The following GRM7 variants were observed in gnomAD, a reference collection of about 807,000 sequenced individuals.
GRM7 encodes the protein metabotropic glutamate receptor 7.
Under a neutral mutation model 84.5 loss-of-function variants are expected in GRM7, and 35 were observed. The observed-to-expected ratio is 0.41, with a 90% CI of 0.32 to 0.55. The LOEUF is 0.55. GRM7 is among the 20% of genes least tolerant of loss of function. GRM7 has a pLI of 0.19. For synonymous variants in GRM7, 487 were observed against 455.1 expected, an observed-to-expected ratio of 1.07 and a Z score of -0.89; for missense variants, 1,003 against 1,194.6, an observed-to-expected ratio of 0.84 and a Z score of 2.36.
intron 2 of GRM7, among the ~76,000 whole-genome samples, chr3:7,259,780 G>T (rs772673612): frequency 4.6e-5 from 7 of 152,050 alleles, no homozygotes; most frequent in South Asian, 2.1e-4. Flanking sequence ...ATGATAGAAT[G>T]ATTTATATTT....
chr3:7,062,329 G>A (rs541312837), intron 1 of GRM7, among the ~76,000 whole-genome samples: 170 of 151,670 alleles, frequency 1.1e-3, no homozygotes, highest in African/African-American at 3.9e-3. Flanking sequence ...GTGTACAATC[G>A]TAGTGTGTGG....
intron 1 of GRM7, among the ~76,000 whole-genome samples, chr3:7,026,607 A>G (rs1378511713): frequency 6.6e-6 from 1 of 152,204 alleles, no homozygotes; most frequent in African/African-American, 2.4e-5. Flanking sequence ...CCTGGCACAC[A>G]AGAGAGGGGA....
chr3:7,325,160 C>T (rs1700936628), intron 4 of GRM7, among the ~76,000 whole-genome samples: 1 of 152,074 alleles, frequency 6.6e-6, no homozygotes, highest in African/African-American at 2.4e-5. Flanking sequence ...GAAGAGTGGG[C>T]CAGAGGTTTC....
intron 9 of GRM7, chr3:7,693,513 G>A (rs185861722): frequency 1.6e-5 from 11 of 696,506 alleles, no homozygotes; most frequent in East Asian, 1.1e-4. Context: ...CTACATTTTT[G>A]TTCTTGGACC....
At chr3:7,560,985 C>G (rs1203250028) in intron 7 of GRM7, among the ~76,000 whole-genome samples, 1 of 152,090 alleles carries the variant, frequency 6.6e-6, no homozygotes, top group African/African-American at 2.4e-5. Flanking sequence ...TGGCAGATAG[C>G]CCTTGAATGA....
intron 9 of GRM7, among the ~76,000 whole-genome samples, chr3:7,726,188 G>A (rs1702119115): frequency 6.6e-6 from 1 of 152,004 alleles, no homozygotes; most frequent in African/African-American, 2.4e-5. Context: ...GATTGCGTAG[G>A]AGAGTCACCC....
At chr3:7,320,271 A>G (rs1355675247) in intron 4 of GRM7, among the ~76,000 whole-genome samples, 2 of 152,032 alleles carry the variant, frequency 1.3e-5, no homozygotes, top group Non-Finnish European at 2.9e-5. Context: ...ACAAGAGAAA[A>G]GCATACAAAT....
intron 9 of GRM7, among the ~76,000 whole-genome samples, chr3:7,702,262 T>C (rs549551331): frequency 6.6e-6 from 1 of 152,190 alleles, no homozygotes; most frequent in Admixed American, 6.5e-5. Context: ...CCCAAGAATC[T>C]TGTTAGACTG....
chr3:7,525,853 C>T (rs1169331610), intron 7 of GRM7, among the ~76,000 whole-genome samples: 1 of 152,132 alleles, frequency 6.6e-6, no homozygotes, highest in African/African-American at 2.4e-5. Flanking sequence ...TAATAGCCTT[C>T]AGCTCCATCC....
intron 6 of GRM7, among the ~76,000 whole-genome samples, chr3:7,456,142 C>A (rs73117418): frequency 0.017 from 2,620 of 151,844 alleles, 77 homozygotes; most frequent in African/African-American, 0.06. Flanking sequence ...ATTTCATTTG[C>A]TGAGGTCAGT....
At chr3:6,991,293 C>A (rs1272182824) in intron 1 of GRM7, among the ~76,000 whole-genome samples, 1 of 152,150 alleles carries the variant, frequency 6.6e-6, no homozygotes, top group East Asian at 1.9e-4. Flanking sequence ...CCTCTTTACT[C>A]CCAGATGAGT....
chr3:7,714,305 T>C (rs1007684665), intron 9 of GRM7, among the ~76,000 whole-genome samples: 1 of 152,112 alleles, frequency 6.6e-6, no homozygotes, highest in Non-Finnish European at 1.5e-5. Context: ...AAGAATAAAA[T>C]CCAACTGGGT....
intron 1 of GRM7, among the ~76,000 whole-genome samples, chr3:7,111,776 C>A (rs1218460812): frequency 7.2e-5 from 11 of 152,122 alleles, no homozygotes; most frequent in Non-Finnish European, 5.9e-5. Flanking sequence ...TGGTTGTCTT[C>A]ATTTTGGGAA....
chr3:7,136,783 A>C (rs1300996396), intron 1 of GRM7, among the ~76,000 whole-genome samples: 1 of 152,108 alleles, frequency 6.6e-6, no homozygotes, highest in African/African-American at 2.4e-5. Flanking sequence ...TTCCCAATAG[A>C]GTGGTATCCA....
At chr3:7,306,452 T>C (rs769230253) in intron 3 of GRM7, 46 bp from the exon 4 acceptor site, 22 of 1,545,638 alleles carry the variant, frequency 1.4e-5, no homozygotes, top group Non-Finnish European at 1.2e-5. Context: ...CGGATTCAGC[T>C]GACGTTCTTT....
chr3:7,579,977 T>C (rs1575519209), intron 8 of GRM7, among the ~76,000 whole-genome samples: 1 of 152,314 alleles, frequency 6.6e-6, no homozygotes, highest in South Asian at 2.1e-4. Context: ...CAATTCACAG[T>C]GAGATCAGAG....
At chr3:7,578,273 T>C in intron 7 of GRM7, 149 bp from the exon 8 acceptor site, 1 of 613,644 alleles carries the variant, frequency 1.6e-6, no homozygotes, top group Non-Finnish European at 2.9e-6. Context: ...TGGGCTCAAA[T>C]CATACTTGTA....
intron 8 of GRM7, among the ~76,000 whole-genome samples, chr3:7,651,760 G>A (rs758860636): frequency 2.0e-5 from 3 of 152,160 alleles, no homozygotes; most frequent in Non-Finnish European, 4.4e-5. Context: ...TCATTTTGCA[G>A]AAGAAATAGC....
At chr3:7,546,525 G>T (rs1207858166) in intron 7 of GRM7, among the ~76,000 whole-genome samples, 3 of 152,320 alleles carry the variant, frequency 2.0e-5, no homozygotes, top group Admixed American at 2.0e-4. Flanking sequence ...CAGCGTCAAG[G>T]CTGCTATGCC....
Sources: gnomAD v4.1 joint callset for allele counts (sites outside exome capture counted in the v4.1 genomes callset) on GRCh38, gnomAD v4.1.1 for gene constraint, MANE v1.5 for transcripts, NCBI Gene and HGNC (gene_info 2026-07-23, HGNC 2026-07-21) for gene names.